TBCK: variants seen among roughly 807,000 people sequenced by gnomAD.
TBCK encodes TBC domain-containing protein kinase-like protein.
Under a neutral mutation model 113.4 loss-of-function variants are expected in TBCK, and 99 were observed. That is an observed-to-expected ratio of 0.87 (90% CI 0.74 to 1.03). The LOEUF is 1.03. TBCK is among the 50% of genes least tolerant of loss of function. The pLI is 0.00. For missense variants in TBCK, 1,045 were observed against 1,061.3 expected, an observed-to-expected ratio of 0.98 and a Z score of 0.21; for synonymous variants, 369 against 370.8, an observed-to-expected ratio of 1.00 and a Z score of 0.05.
At chr4:106,051,655 G>C (rs1285177003) in intron 25 of TBCK, among the ~76,000 whole-genome samples, 1 of 151,794 alleles carries the variant, frequency 6.6e-6, no homozygotes, top group African/African-American at 2.4e-5. Context: ...TGTGACCATG[G>C]CTAGGCTGAT....
intron 23 of TBCK, among the ~76,000 whole-genome samples, chr4:106,165,328 A>G (rs1750242913): frequency 6.6e-6 from 1 of 151,784 alleles, no homozygotes; most frequent in Non-Finnish European, 1.5e-5. Flanking sequence ...TGAAATAATT[A>G]TTTTGGCAAT....
chr4:106,284,222 T>C (rs1337243904), intron 3 of TBCK, among the ~76,000 whole-genome samples: 1 of 152,094 alleles, frequency 6.6e-6, no homozygotes, highest in East Asian at 1.9e-4. Context: ...AAAAAAGATA[T>C]GAAAGCCTCA....
At chr4:106,070,545 G>C (rs1013945712) in intron 25 of TBCK, among the ~76,000 whole-genome samples, 15 of 152,082 alleles carry the variant, frequency 9.9e-5, no homozygotes, top group Non-Finnish European at 1.9e-4. Flanking sequence ...CAGTTTGCCA[G>C]TATTTTATTG....
At chr4:106,313,279 T>C (rs1032684445) in intron 1 of TBCK, among the ~76,000 whole-genome samples, 92 of 152,096 alleles carry the variant, frequency 6.0e-4, no homozygotes, top group Middle Eastern at 3.4e-3. Flanking sequence ...GGCTTGTGCC[T>C]GTGATCCCAG....
intron 23 of TBCK, among the ~76,000 whole-genome samples, chr4:106,127,098 C>T (rs917333855): frequency 1.3e-5 from 2 of 151,230 alleles, no homozygotes; most frequent in African/African-American, 4.9e-5. Context: ...ATCCCAGCTA[C>T]TCGGGAGGCT....
chr4:106,214,351 G>C (rs1756581988), intron 19 of TBCK, among the ~76,000 whole-genome samples: 2 of 152,188 alleles, frequency 1.3e-5, no homozygotes, highest in Admixed American at 1.3e-4. Context: ...ACCAGCAACG[G>C]AACACAGCTG....
At chr4:106,139,663 T>A (rs562052825) in intron 23 of TBCK, among the ~76,000 whole-genome samples, 3 of 141,550 alleles carry the variant, frequency 2.1e-5, no homozygotes, top group Admixed American at 2.1e-4. Flanking sequence ...GTTATGTACA[T>A]GCCACAGCCA....
chr4:106,151,238 A>T (rs74416418), intron 23 of TBCK, among the ~76,000 whole-genome samples: 1,914 of 152,042 alleles, frequency 0.013, 35 homozygotes, highest in African/African-American at 0.041. Flanking sequence ...TAAAATGTAC[A>T]ATTACATTAC....
intron 25 of TBCK, among the ~76,000 whole-genome samples, chr4:106,073,569 T>G (rs779771594): frequency 1.3e-5 from 2 of 152,162 alleles, no homozygotes; most frequent in Non-Finnish European, 1.5e-5. Flanking sequence ...GCTGCACGGG[T>G]GTCAGGGACC....
intron 25 of TBCK, among the ~76,000 whole-genome samples, chr4:106,067,483 C>T (rs1355700203): frequency 6.6e-6 from 1 of 151,982 alleles, no homozygotes; most frequent in Admixed American, 6.6e-5. Context: ...TCAAAGTGTC[C>T]TTTGAAGCAC....
rs1738642529 is a variant in TBCK at position 106,079,771 on chromosome 4, T to G, written c.2571+15711A>C. Among the ~76,000 whole-genome samples the G allele has an allele frequency of 2.0e-5, 3 of 152,226 alleles. No homozygotes were observed. The South Asian group carries it at 6.2e-4, about 32-fold the overall frequency. Reference sequence around the variant, plus strand: ...ACTGGGTATTCATAAAGAAAAAAAGTTTCATTGGCTCACAGTTCTGCAGGC... The same window carrying G: ...ACTGGGTATTCATAAAGAAAAAAAGGTTCATTGGCTCACAGTTCTGCAGGC... On this transcript the variant is annotated intron_variant, in intron 25 of 25. Transcript: ENST00000394708.
intron 24 of TBCK, among the ~76,000 whole-genome samples, chr4:106,099,023 ATTATC>A (rs1156582139): frequency 1.3e-5 from 2 of 152,142 alleles, no homozygotes; most frequent in African/African-American, 4.8e-5. Flanking sequence ...GATGATGTAT[ATTATC>A]TTCTAGGTTT....
chr4:106,208,138 A>G (rs1323038811), intron 20 of TBCK, among the ~76,000 whole-genome samples: 2 of 152,192 alleles, frequency 1.3e-5, no homozygotes, highest in Non-Finnish European at 2.9e-5. Flanking sequence ...CTGTCTCTGA[A>G]GACTAATCAC....
rs576856691 is a variant in TBCK at position 106,073,492 on chromosome 4, G to A, written c.2571+21990C>T. On this transcript the variant is annotated intron_variant, in intron 25 of 25. Transcript: ENST00000394708. The stretch of plus-strand genomic sequence containing the variant: ...GCCTGATCCTTACTCTGGAAGCTTC[G>A]TATCAGAGGGGCACCTGGGTGTATG... Among the ~76,000 whole-genome samples the A allele has an allele frequency of 3.3e-5, 5 of 152,308 alleles. No individual in the cohort carries two copies. The East Asian group carries it at 7.7e-4, about 24-fold the overall frequency.
chr4:106,280,936 G>C (rs895479156), intron 3 of TBCK, among the ~76,000 whole-genome samples: 4 of 151,952 alleles, frequency 2.6e-5, no homozygotes, highest in Non-Finnish European at 5.9e-5. Context: ...TAAGTTTTAG[G>C]ATTGTTTTTT....
intron 23 of TBCK, among the ~76,000 whole-genome samples, chr4:106,159,353 C>A (rs1749488855): frequency 6.6e-6 from 1 of 152,020 alleles, no homozygotes; most frequent in Admixed American, 6.6e-5. Flanking sequence ...AATCTGTTTG[C>A]AGATGATGTG....
intron 19 of TBCK, among the ~76,000 whole-genome samples, chr4:106,223,668 T>C (rs1229354214): frequency 2.0e-5 from 3 of 152,120 alleles, no homozygotes; most frequent in South Asian, 2.1e-4. Flanking sequence ...TATCTCCTCT[T>C]ATCTTTACCT....
rs1220182706 is a variant in TBCK, at chr4:106,041,809, A to G, written c.*4761T>C. ...CTATCTATAGAACACTGAATATGCC[A>G]AGATCCAAGTTTAGTTTTCATGTTA... On this transcript the variant is annotated 3_prime_UTR_variant, in exon 26 of 26. Transcript: ENST00000394708. 1 of 152,262 alleles carries G rather than the reference A, an allele frequency of 6.6e-6. No homozygotes were observed. The highest frequency in any genetic ancestry group is 1.5e-5 in the Non-Finnish European group (1 of 68,048). The allele number at this position is 152,262 out of a possible 1,614,324, so 9.4% of individuals were successfully genotyped here. A position where few individuals can be genotyped will look rare whatever the true frequency, so the allele number is the denominator to read the frequency against.
At chr4:106,256,131 G>A (rs556488830) in intron 5 of TBCK, among the ~76,000 whole-genome samples, 11 of 152,112 alleles carry the variant, frequency 7.2e-5, no homozygotes, top group South Asian at 4.1e-4. Flanking sequence ...GTCCATGGGC[G>A]GCCATGGGTG....
Sources: gnomAD v4.1 joint callset for allele counts (sites outside exome capture counted in the v4.1 genomes callset) on GRCh38, gnomAD v4.1.1 for gene constraint, MANE v1.5 for transcripts, NCBI Gene and HGNC (gene_info 2026-07-23, HGNC 2026-07-21) for gene names.